WDR93: variants seen among roughly 807,000 people sequenced by gnomAD.
The protein encoded by WDR93 is WD repeat-containing protein 93.
Under a neutral mutation model 82.9 loss-of-function variants are expected in WDR93, and 73 were observed. The observed-to-expected ratio is 0.88, with a 90% CI of 0.73 to 1.07. The LOEUF (loss-of-function observed/expected upper bound fraction) is 1.07, where lower values mean the gene tolerates loss of function less well. WDR93 is among the 50% of genes least tolerant of loss of function. WDR93 has a pLI of 0.00. For synonymous variants in WDR93, 283 were observed against 300.1 expected (o/e 0.94, Z 0.59); for missense variants, 738 against 826.0 (o/e 0.89, Z 1.31).
chr15:89,690,780 T>C, upstream of WDR93: 2 of 569,906 alleles, frequency 3.5e-6, no homozygotes, highest in East Asian at 3.2e-5. Flanking sequence ...GGGCACACTT[T>C]CTGTAGAGCA....
chr15:89,705,133 C>A, intron 3 of WDR93: 1 of 174,110 alleles, frequency 5.7e-6, no homozygotes, highest in Non-Finnish European at 1.2e-5. Flanking sequence ...AGGCAAGACA[C>A]ATGGAACAGT....
chr15:89,718,834 C>T (rs887509273), intron 7 of WDR93, among the ~76,000 whole-genome samples: 2 of 152,136 alleles, frequency 1.3e-5, no homozygotes, highest in African/African-American at 4.8e-5. Flanking sequence ...AGGCTAGTCT[C>T]GAACGCCTGA....
intron 13 of WDR93, among the ~76,000 whole-genome samples, chr15:89,735,017 C>T (rs901799790): frequency 5.3e-5 from 8 of 150,464 alleles, no homozygotes; most frequent in East Asian, 2.0e-4. Context: ...TCTTTCCTTC[C>T]GTGCATCCTT....
chr15:89,716,850 A>T (rs1966272896), intron 6 of WDR93, 61 bp from the exon 7 acceptor site: 4 of 1,180,678 alleles, frequency 3.4e-6, no homozygotes, highest in South Asian at 1.4e-5. Flanking sequence ...CCAGAAGATT[A>T]AAGGGGGTGG....
chr15:89,718,442 C>G (rs184574835), intron 7 of WDR93, among the ~76,000 whole-genome samples: 1 of 151,922 alleles, frequency 6.6e-6, no homozygotes, highest in East Asian at 1.9e-4. Context: ...CCACTGCACT[C>G]CAGCCTGGGA....
chr15:89,695,605 G>T (rs940375286), intron 1 of WDR93, among the ~76,000 whole-genome samples: 1 of 152,044 alleles, frequency 6.6e-6, no homozygotes, highest in Admixed American at 6.6e-5. Context: ...GTTTGTTATT[G>T]CCAGTACATA....
intron 11 of WDR93, among the ~76,000 whole-genome samples, chr15:89,731,194 T>C (rs546424081): frequency 6.6e-6 from 1 of 152,332 alleles, no homozygotes; most frequent in Non-Finnish European, 1.5e-5. Context: ...TAACACAGTA[T>C]CTAGCACCTA....
At chr15:89,731,398 G>A (rs776619087) in intron 11 of WDR93, 45 bp from the exon 12 acceptor site, 9 of 1,586,778 alleles carry the variant, frequency 5.7e-6, no homozygotes, top group Non-Finnish European at 7.7e-6. Context: ...TGATGGGTAG[G>A]TGCAGAGTCT....
intron 4 of WDR93, among the ~76,000 whole-genome samples, chr15:89,709,267 C>T (rs1450320299): frequency 6.6e-6 from 1 of 152,168 alleles, no homozygotes; most frequent in Non-Finnish European, 1.5e-5. Context: ...GAGACAAAAG[C>T]AAGGGATCCA....
At chr15:89,725,823 A>C (rs1966715292) in intron 8 of WDR93, among the ~76,000 whole-genome samples, 1 of 152,102 alleles carries the variant, frequency 6.6e-6, no homozygotes, top group Non-Finnish European at 1.5e-5. Context: ...TGGCCTTCCA[A>C]AGTGCTGGGA....
chr15:89,735,082 C>G (rs1967053759), intron 13 of WDR93, among the ~76,000 whole-genome samples: 1 of 151,514 alleles, frequency 6.6e-6, no homozygotes, highest in Non-Finnish European at 1.5e-5. Flanking sequence ...CGGTCTCACT[C>G]TGTAGCCCAG....
chr15:89,721,876 G>A lies in WDR93; in HGVS notation c.796-179G>A, dbSNP rs572213954. 2.6e-4 allele frequency among the ~76,000 whole-genome samples: 39 copies of A among 152,292 alleles called. 1 individual carries two copies. Among genetic ancestry groups the A allele is most frequent in the Non-Finnish European group, 8.8e-5 (6 of 68,012 alleles). ...ATACATTTAATGTGATTATTTATAT[G>A]TTTGGGTTTAAATCTACAGTCTTGC... On this transcript the variant is annotated intron_variant, in intron 7 of 16. Transcript: ENST00000268130.
Position 89,702,025 on chromosome 15 carries a change from C to T in WDR93, c.279C>T (p.Val93=). Residue 93 remains valine, a synonymous_variant, in exon 2 of 17, where the codon GTC becomes GTT. Coordinates refer to ENST00000268130, the MANE Select transcript of WDR93 (RefSeq NM_020212.2). ...AGAGCAGCCAGATCCAGCCCACCGT[C>T]TACCCTCCACTTGGAGAAATCCAGG... is the stretch of plus-strand genomic sequence containing the variant. ...EAESSQIQPT[V]YPPLGEIQLN... 6.2e-7 allele frequency: 1 copy of T among 1,610,030 alleles called. No individual in the cohort carries two copies. Among genetic ancestry groups the T allele is most frequent in the Non-Finnish European group, 8.5e-7 (1 of 1,177,962 alleles).
chr15:89,703,321 T>C, intron 3 of WDR93, 179 bp downstream of exon 3: 1 of 665,452 alleles, frequency 1.5e-6, no homozygotes, highest in Non-Finnish European at 2.5e-6. Flanking sequence ...CCATTTCACA[T>C]GTGCTAGCCC....
At chr15:89,713,809 G>A (rs573572795) in intron 5 of WDR93, among the ~76,000 whole-genome samples, 20 of 152,106 alleles carry the variant, frequency 1.3e-4, no homozygotes, top group Non-Finnish European at 2.2e-4. Flanking sequence ...TGTATTCAAG[G>A]AAACTTGTGC....
Position 89,743,615 on chromosome 15 carries a change from A to C in WDR93, c.*224A>C. 1 of 566,982 alleles carries C rather than the reference A, an allele frequency of 1.8e-6. No homozygotes were observed. Among genetic ancestry groups the C allele is most frequent in the Non-Finnish European group, 3.2e-6 (1 of 317,338 alleles). The allele number at this position is 566,982 out of a possible 1,614,324, so 35.1% of individuals were successfully genotyped here. ...TCAGGCAGGCAGATGTGTCACCCAA[A>C]TAAACAGTGATATTGTCTCCAGACT... On this transcript the variant is annotated 3_prime_UTR_variant, in exon 17 of 17. Coordinates refer to ENST00000268130, the MANE Select transcript of WDR93 (RefSeq NM_020212.2).
At chr15:89,725,467 T>C (rs1251461172) in intron 8 of WDR93, among the ~76,000 whole-genome samples, 1 of 151,348 alleles carries the variant, frequency 6.6e-6, no homozygotes, top group Non-Finnish European at 1.5e-5. Flanking sequence ...GTCAGGAGAG[T>C]GGTTGCCACT....
At chr15:89,726,577 T>C (rs899014997) in intron 8 of WDR93, among the ~76,000 whole-genome samples, 19 of 152,158 alleles carry the variant, frequency 1.2e-4, no homozygotes, top group Non-Finnish European at 2.2e-4. Context: ...AGAAAACTAG[T>C]CATCCAGTTT....
At chr15:89,741,184 T>C (rs1218262422) in intron 16 of WDR93, among the ~76,000 whole-genome samples, 3 of 152,246 alleles carry the variant, frequency 2.0e-5, no homozygotes, top group African/African-American at 7.2e-5. Flanking sequence ...TATTTGCTAT[T>C]ACACATAAAT....
Sources: allele counts gnomAD v4.1 joint callset (sites outside exome capture counted in the v4.1 genomes callset), GRCh38; gene constraint gnomAD v4.1.1; transcripts MANE v1.5; gene names NCBI Gene and HGNC (gene_info 2026-07-23, HGNC 2026-07-21).